The following AXDND1 variants were observed in gnomAD, a reference collection of about 807,000 sequenced individuals.
AXDND1 encodes axonemal dynein light chain domain containing 1, also known as axonemal dynein light chain domain-containing protein 1.
AXDND1 carries 110 observed loss-of-function variants against 137.5 expected under a neutral mutation model. The observed-to-expected ratio is 0.80, with a 90% CI of 0.69 to 0.94. The LOEUF is 0.94. Among genes scored for constraint, AXDND1 ranks in the 40% least tolerant of loss-of-function variants. The pLI, the probability that AXDND1 is intolerant of heterozygous loss-of-function variation, is 0.00. For synonymous variants in AXDND1, 414 were observed against 399.7 expected (o/e 1.04, Z -0.43); for missense variants, 1,191 against 1,169.8 (o/e 1.02, Z -0.26).
intron 11 of AXDND1, among the ~76,000 whole-genome samples, chr1:179,408,533 A>G (rs2125208080): frequency 2.6e-5 from 4 of 152,138 alleles, no homozygotes; most frequent in Middle Eastern, 6.8e-3. Flanking sequence ...TGCACATGCC[A>G]TCACACCTGG....
intron 9 of AXDND1, among the ~76,000 whole-genome samples, chr1:179,388,124 G>C (rs1171470827): frequency 6.6e-6 from 1 of 152,134 alleles, no homozygotes; most frequent in Non-Finnish European, 1.5e-5. Context: ...CAATTGTAGG[G>C]TTTGCTTTAT....
chr1:179,509,971 G>C (rs945539931), intron 21 of AXDND1, among the ~76,000 whole-genome samples: 1 of 151,850 alleles, frequency 6.6e-6, no homozygotes, highest in African/African-American at 2.4e-5. Flanking sequence ...CTACTATAAG[G>C]TCACCAGTGA....
At chr1:179,401,555 T>G (rs1364890934) in intron 11 of AXDND1, among the ~76,000 whole-genome samples, 1 of 152,184 alleles carries the variant, frequency 6.6e-6, no homozygotes, top group African/African-American at 2.4e-5. Context: ...TTTATTCTAT[T>G]TTATTCTTTA....
chr1:179,523,931 A>T (rs1236818102), intron 21 of AXDND1, among the ~76,000 whole-genome samples: 2 of 152,100 alleles, frequency 1.3e-5, no homozygotes, highest in South Asian at 2.1e-4. Context: ...CTCATAGCTT[A>T]GCTCCCACTT....
At chr1:179,430,138 T>G (rs866083245) in intron 13 of AXDND1, among the ~76,000 whole-genome samples, 39 of 151,922 alleles carry the variant, frequency 2.6e-4, no homozygotes, top group African/African-American at 8.2e-4. Context: ...ATAGCTATAA[T>G]TCACATTTGG....
chr1:179,548,713 G>C (rs568097857), intron 25 of AXDND1: 1 of 152,344 alleles, frequency 6.6e-6, no homozygotes, highest in South Asian at 2.1e-4. Flanking sequence ...CCCCAAGGAT[G>C]TGGAATGCAG....
chr1:179,466,709 T>G (rs189218760), intron 16 of AXDND1, among the ~76,000 whole-genome samples: 1 of 152,328 alleles, frequency 6.6e-6, no homozygotes, highest in Admixed American at 6.5e-5. Flanking sequence ...TTTGTCTTGG[T>G]TTTGAGTCCA....
At chr1:179,485,539 A>T (rs149280341) in intron 18 of AXDND1, among the ~76,000 whole-genome samples, 85 of 152,310 alleles carry the variant, frequency 5.6e-4, no homozygotes, top group African/African-American at 1.8e-3. Context: ...AAGAAAATGC[A>T]TTCTAAGGAC....
rs957389380 is a variant in AXDND1 at position 179,366,423 on chromosome 1, A to G, written c.-87A>G. ...CTGCAGGACTATGTGGCAGCCTGCA[A>G]GTCCCAGTGCGGCGCTGATTTGTGT... On this transcript the variant is annotated 5_prime_UTR_variant, in exon 2 of 26. Transcript: ENST00000367618. 2 of 1,034,320 alleles carry G rather than the reference A, an allele frequency of 1.9e-6. No homozygotes were observed. Among genetic ancestry groups the G allele is most frequent in the Non-Finnish European group, 3.0e-6 (2 of 666,676 alleles). 64.1% of individuals were successfully genotyped at this position (1,034,320 alleles called of 1,614,324 possible). A position where few individuals can be genotyped will look rare whatever the true frequency, so the allele number is the denominator to read the frequency against.
rs554676467 is a variant in AXDND1 at position 179,464,310 on chromosome 1, G to C, written c.1799-4133G>C. ...CAGGAGCTCTTGTAAGGCAGGCCTG[G>C]TGGTGATAAAATCTCTCAGCATTTG... On this transcript the variant is annotated intron_variant, in intron 16 of 25. Coordinates refer to ENST00000367618, the MANE Select transcript of AXDND1 (RefSeq NM_144696.6). Among the ~76,000 whole-genome samples the C allele has an allele frequency of 2.7e-3, 408 of 152,264 alleles. 1 individual carries two copies. The highest frequency in any genetic ancestry group is 9.7e-3 in the African/African-American group (403 of 41,562).
chr1:179,394,515 G>A (rs773997154), intron 10 of AXDND1, among the ~76,000 whole-genome samples: 67 of 151,580 alleles, frequency 4.4e-4, no homozygotes, highest in African/African-American at 1.5e-3. Flanking sequence ...ACTTGAACCC[G>A]GGAGGTGGAG....
chr1:179,476,372 C>T lies in AXDND1; in HGVS notation c.1998-6756C>T, dbSNP rs539310024. On this transcript the variant is annotated intron_variant, in intron 17 of 25. Coordinates refer to ENST00000367618, the MANE Select transcript of AXDND1 (RefSeq NM_144696.6). ...TGTCCTATGTTATTTTATACAATTT[C>T]TTCTTTAGTCAGTTAAGAAATAGAA... 2.6e-5 allele frequency among the ~76,000 whole-genome samples: 4 copies of T among 152,216 alleles called. No individual in the cohort carries two copies. The South Asian group carries it at 8.3e-4, about 32-fold the overall frequency.
chr1:179,535,047 T>G (rs747679268), intron 25 of AXDND1, 85 bp downstream of exon 25: 1 of 1,575,702 alleles, frequency 6.3e-7, no homozygotes, highest in South Asian at 1.1e-5. Flanking sequence ...TAGAAGAACA[T>G]TAATATATTT....
chr1:179,533,082 C>T (rs1671175192), intron 23 of AXDND1: 1 of 152,034 alleles, frequency 6.6e-6, no homozygotes, highest in Non-Finnish European at 1.5e-5. Flanking sequence ...CCACCCTCTT[C>T]TATCTCTCCT....
At chr1:179,367,055 T>G (rs985123315) in intron 2 of AXDND1, among the ~76,000 whole-genome samples, 7 of 151,938 alleles carry the variant, frequency 4.6e-5, no homozygotes, top group African/African-American at 1.5e-4. Flanking sequence ...ATCCCGTCTC[T>G]ACTAGAAATA....
At chr1:179,417,139 G>A (rs754643549) in intron 12 of AXDND1, among the ~76,000 whole-genome samples, 11 of 149,536 alleles carry the variant, frequency 7.4e-5, no homozygotes, top group Non-Finnish European at 1.6e-4. Context: ...TGTCTTCTTT[G>A]GAGAAATATC....
At chr1:179,401,258 CAAAA>C (rs201354000) in intron 11 of AXDND1, among the ~76,000 whole-genome samples, 30 of 83,684 alleles carry the variant, frequency 3.6e-4, no homozygotes, top group Non-Finnish European at 6.6e-4. Flanking sequence ...AACTCCATCT[CAAAA>C]AAAAAAAAAA....
intron 19 of AXDND1, among the ~76,000 whole-genome samples, 166 bp from the exon 20 acceptor site, chr1:179,492,689 A>G (rs1211271253): frequency 6.6e-6 from 1 of 152,192 alleles, no homozygotes; most frequent in Non-Finnish European, 1.5e-5. Context: ...AATTGAGGAG[A>G]CAAATTATTC....
At chr1:179,457,719 A>G (rs574119008) in intron 16 of AXDND1, among the ~76,000 whole-genome samples, 2 of 152,218 alleles carry the variant, frequency 1.3e-5, no homozygotes, top group Non-Finnish European at 2.9e-5. Flanking sequence ...GGAGCCCTGT[A>G]ATACAATGTA....
Sources: allele counts gnomAD v4.1 joint callset (sites outside exome capture counted in the v4.1 genomes callset), GRCh38; gene constraint gnomAD v4.1.1; transcripts MANE v1.5; gene names NCBI Gene and HGNC (gene_info 2026-07-23, HGNC 2026-07-21).